GRB10: variants seen among roughly 807,000 people sequenced by gnomAD.
GRB10 encodes growth factor receptor bound protein 10.
Under a neutral mutation model 80.9 loss-of-function variants are expected in GRB10, and 20 were observed. The observed-to-expected ratio is 0.25, with a 90% CI of 0.17 to 0.36. GRB10 has a LOEUF of 0.36. GRB10 is among the 10% of genes least tolerant of loss of function. GRB10 has a pLI of 1.00. For missense variants in GRB10, 548 were observed against 747.7 expected (o/e 0.73, Z 3.12); for synonymous variants, 291 against 291.5 (o/e 1.00, Z 0.02).
intron 7 of GRB10, among the ~76,000 whole-genome samples, chr7:50,659,413 G>A (rs1364984858): frequency 6.6e-6 from 1 of 152,168 alleles, no homozygotes; most frequent in Non-Finnish European, 1.5e-5. Flanking sequence ...AGCTGAGGGA[G>A]CCTAGCCAAG....
chr7:50,713,633 C>T lies in GRB10; in HGVS notation c.52-9725G>A, dbSNP rs1189760177. On this transcript the variant is annotated intron_variant, in intron 4 of 18. Transcript: ENST00000401949. ...ATCACCTCCACCTCCTCCACCATCA[C>T]CTCCACCTCCCCCATCACCTCCACC... 5.1e-5 allele frequency among the ~76,000 whole-genome samples: 5 copies of T among 97,346 alleles called. No individual in the cohort carries two copies. The East Asian group carries it at 1.2e-3, about 24-fold the overall frequency. 63.9% of individuals were successfully genotyped at this position (97,346 alleles called of 152,430 possible).
rs144805438 is a variant in GRB10, at chr7:50,662,982, T to C, written c.504+6740A>G. Among the ~76,000 whole-genome samples the C allele has an allele frequency of 2.2e-4, 33 of 152,354 alleles. No homozygotes were observed. The East Asian group carries it at 6.0e-3, about 28-fold the overall frequency. ...TACCAATTTTGCAAATTCTCTTCCA[T>C]AACATAGATTCATTTGTTGATTCAT... On this transcript the variant is annotated intron_variant, in intron 7 of 18. Transcript: ENST00000401949.
chr7:50,639,545 C>T (rs911468941), intron 7 of GRB10, among the ~76,000 whole-genome samples: 5 of 151,986 alleles, frequency 3.3e-5, no homozygotes, highest in East Asian at 1.9e-4. Flanking sequence ...TAGTGGCAGG[C>T]GCCTGTAGTC....
At chr7:50,731,307 C>CAAAAAAAAA (rs71555907) in intron 4 of GRB10, among the ~76,000 whole-genome samples, 1 of 114,632 alleles carries the variant, frequency 8.7e-6, no homozygotes. Context: ...ACTTAGATAC[C>CAAAAAAAAA]AAAAAAAAAA....
intron 8 of GRB10, 83 bp downstream of exon 8, chr7:50,626,739 C>G (rs1023983257): frequency 6.7e-7 from 1 of 1,502,630 alleles, no homozygotes; most frequent in African/African-American, 1.4e-5. Flanking sequence ...TGCGGTCACA[C>G]ATTTGGCATT....
chr7:50,710,639 T>C (rs1259874636), intron 4 of GRB10, among the ~76,000 whole-genome samples: 2 of 151,692 alleles, frequency 1.3e-5, no homozygotes, highest in African/African-American at 4.8e-5. Context: ...GCACTGCAGG[T>C]GACAAATGGA....
intron 5 of GRB10, among the ~76,000 whole-genome samples, chr7:50,687,574 GGGTGCAGCTCCAT>G (rs2062252742): frequency 6.6e-6 from 1 of 152,156 alleles, no homozygotes; most frequent in Admixed American, 6.5e-5. Flanking sequence ...ACTCAACCCT[GGGTGCAGCTCCAT>G]GCATCTGCGG....
intron 4 of GRB10, among the ~76,000 whole-genome samples, chr7:50,715,825 A>C (rs1215937836): frequency 6.6e-6 from 1 of 152,206 alleles, no homozygotes; most frequent in African/African-American, 2.4e-5. Context: ...AAATAACTAA[A>C]ACTGAAACAG....
At chr7:50,699,544 T>G (rs1194218317) in intron 5 of GRB10, among the ~76,000 whole-genome samples, 1 of 152,210 alleles carries the variant, frequency 6.6e-6, no homozygotes, top group Non-Finnish European at 1.5e-5. Flanking sequence ...TTCTGACATA[T>G]TCAGTGTGTT....
chr7:50,635,999 G>A (rs1197110888), intron 7 of GRB10, among the ~76,000 whole-genome samples: 1 of 97,932 alleles, frequency 1.0e-5, no homozygotes, highest in Non-Finnish European at 1.8e-5. Context: ...TTGAGACAGA[G>A]TCTCATTCTG....
intron 4 of GRB10, among the ~76,000 whole-genome samples, chr7:50,716,515 A>G (rs1246607212): frequency 6.6e-6 from 1 of 152,266 alleles, no homozygotes; most frequent in African/African-American, 2.4e-5. Flanking sequence ...AAACGGATAC[A>G]GAAATGTCCA....
At chr7:50,656,226 A>G (rs754626130) in intron 7 of GRB10, among the ~76,000 whole-genome samples, 3 of 152,202 alleles carry the variant, frequency 2.0e-5, no homozygotes, top group Non-Finnish European at 4.4e-5. Flanking sequence ...AGATGTGCAC[A>G]CATGTGAGGG....
intron 5 of GRB10, among the ~76,000 whole-genome samples, chr7:50,689,976 G>A (rs1244160072): frequency 2.0e-5 from 3 of 151,070 alleles, no homozygotes; most frequent in Admixed American, 2.0e-4. Flanking sequence ...GATTAGTACT[G>A]GTTAATTGTG....
In GRB10 at chr7:50,749,137, T is replaced by TTTTTG. The variant is rs1554295286; in HGVS notation, c.-47+6749_-47+6750insCAAAA. On this transcript the variant is annotated intron_variant, in intron 3 of 18. Coordinates refer to ENST00000401949, the MANE Select transcript of GRB10 (RefSeq NM_001350814.2). ...GTTTTGTTTTGTTTTTTTGTTTGTT[T>TTTTTG]TTTTTTTTTGAGATGGAGTCTCACT... 4.5e-3 allele frequency among the ~76,000 whole-genome samples: 653 copies of TTTTTG among 145,236 alleles called. 20 individuals carry two copies. Among genetic ancestry groups the TTTTTG allele is most frequent in the African/African-American group, 8.8e-3 (356 of 40,318 alleles).
intron 6 of GRB10, 49 bp downstream of exon 6, chr7:50,674,387 G>T: frequency 1.9e-6 from 3 of 1,548,658 alleles, no homozygotes; most frequent in South Asian, 1.1e-5. Flanking sequence ...TGTCCCTGCC[G>T]ACAGCTCTCA....
intron 7 of GRB10, among the ~76,000 whole-genome samples, chr7:50,630,171 A>T (rs539913477): frequency 1.3e-5 from 2 of 152,364 alleles, no homozygotes; most frequent in East Asian, 3.9e-4. Flanking sequence ...GAGAATCAGT[A>T]ATGTAAGCAA....
intron 7 of GRB10, among the ~76,000 whole-genome samples, chr7:50,640,087 TG>T (rs1166658779): frequency 6.6e-6 from 1 of 152,234 alleles, no homozygotes; most frequent in Non-Finnish European, 1.5e-5. Context: ...TAATCTGGGC[TG>T]AAGATACAAC....
In GRB10 at chr7:50,658,522, C is replaced by G. The variant is rs142432513; in HGVS notation, c.504+11200G>C. Reference sequence around the variant, plus strand: ...GCCCTTGCCTTTGAGTCCACAGGAGCCTCACGTAGATGGCCACAGGTGGGC... The same window carrying G: ...GCCCTTGCCTTTGAGTCCACAGGAGGCTCACGTAGATGGCCACAGGTGGGC... On this transcript the variant is annotated intron_variant, in intron 7 of 18. Transcript: ENST00000401949. Among the ~76,000 whole-genome samples the G allele has an allele frequency of 1.2e-3, 179 of 152,236 alleles. 1 individual carries two copies. Among genetic ancestry groups the G allele is most frequent in the African/African-American group, 4.2e-3 (173 of 41,542 alleles).
In GRB10 at chr7:50,605,174, C is replaced by T. The variant is rs1245406830; in HGVS notation, c.1389+116G>A. 5.8e-6 allele frequency: 4 copies of T among 688,746 alleles called. No homozygotes were observed. In the Admixed American group the frequency reaches 7.1e-5, roughly 12 times the overall value. 42.7% of individuals were successfully genotyped at this position (688,746 alleles called of 1,614,324 possible). ...TCCTGCAGCTGAGAACTCACCCCAC[C>T]CAACATGGCACCCCTCTTGCCAACC... On this transcript the variant is annotated intron_variant, in intron 15 of 18. Coordinates refer to ENST00000401949, the MANE Select transcript of GRB10 (RefSeq NM_001350814.2).
Sources: allele counts gnomAD v4.1 joint callset (sites outside exome capture counted in the v4.1 genomes callset), GRCh38; gene constraint gnomAD v4.1.1; transcripts MANE v1.5; gene names NCBI Gene and HGNC (gene_info 2026-07-23, HGNC 2026-07-21).